Variants in SLC38A3 observed in about 807,000 individuals in gnomAD.
SLC38A3 encodes the protein solute carrier family 38 member 3.
SLC38A3 carries 17 observed loss-of-function variants against 59.5 expected under a neutral mutation model. The observed-to-expected ratio is 0.29, with a 90% CI of 0.20 to 0.43. The LOEUF (loss-of-function observed/expected upper bound fraction) is 0.43, where lower values mean the gene tolerates loss of function less well. Among genes scored for constraint, SLC38A3 ranks in the 20% least tolerant of loss-of-function variants. SLC38A3 has a pLI of 1.00. For missense variants in SLC38A3, 454 were observed against 653.9 expected (o/e 0.69, Z 3.33); for synonymous variants, 238 against 260.3 (o/e 0.91, Z 0.82).
chr3:50,214,564 G>C lies in SLC38A3; in HGVS notation c.183+81G>C, dbSNP rs1699788417. The C allele has an allele frequency of 6.8e-7, 1 of 1,468,222 alleles. No individual in the cohort carries two copies. Among genetic ancestry groups the C allele is most frequent in the Non-Finnish European group, 9.4e-7 (1 of 1,068,770 alleles). The allele number at this position is 1,468,222 out of a possible 1,614,324, so 90.9% of individuals were successfully genotyped here. A position where few individuals can be genotyped will look rare whatever the true frequency, so the allele number is the denominator to read the frequency against. ...ATGAGGTGGTCTCTGGCAGCAGTGG[G>C]AGGCTGAGGGACAGTCAGGGGAAGG... On this transcript the variant is annotated intron_variant, in intron 3 of 15. Coordinates refer to ENST00000614032, the MANE Select transcript of SLC38A3 (RefSeq NM_006841.6). This position sits in a 1 kb window ranked among gnomAD's most constrained non-coding sequence, Gnocchi z 6.0.
At chr3:50,219,170 AG>A (rs1332250663) in intron 14 of SLC38A3, among the ~76,000 whole-genome samples, 1 of 152,304 alleles carries the variant, frequency 6.6e-6, no homozygotes, top group African/African-American at 2.4e-5. Flanking sequence ...GGTGGATCCC[AG>A]GGATCAGAGG....
intron 1 of SLC38A3, among the ~76,000 whole-genome samples, chr3:50,209,134 C>T (rs928976249): frequency 5.3e-5 from 8 of 152,232 alleles, no homozygotes; most frequent in African/African-American, 1.9e-4. Flanking sequence ...CACGTGATGT[C>T]CTGTCCTTTG....
chr3:50,214,470 C>T lies in SLC38A3; in HGVS notation c.170C>T (p.Pro57Leu), dbSNP rs1575425409. ...SFLQKSPSKE[P>L]HFTDFEGKTS... ...CTACAGAAAAGTCCCAGCAAGGAGC[C>T]ACACTTCACTGACGTGAGCAGGGCA... Residue 57 changes from proline (P) to leucine (L), a missense_variant, in exon 3 of 16, where the codon CCA (proline) becomes CTA (leucine). Pro to Leu is a moderately conservative substitution (Grantham distance 98). Transcript: ENST00000614032. This position sits in a 1 kb window ranked among gnomAD's most constrained non-coding sequence, Gnocchi z 6.0. 6.4e-7 allele frequency: 1 copy of T among 1,568,446 alleles called. No individual in the cohort carries two copies. The highest frequency in any genetic ancestry group is 8.6e-7 in the Non-Finnish European group (1 of 1,156,824).
chr3:50,208,610 G>A (rs1374898704), intron 1 of SLC38A3, among the ~76,000 whole-genome samples: 1 of 152,130 alleles, frequency 6.6e-6, no homozygotes, highest in Non-Finnish European at 1.5e-5. Flanking sequence ...CCTCCATTTG[G>A]CTGTCTCTGA....
chr3:50,215,426 A>G lies in SLC38A3; in HGVS notation c.340A>G (p.Ile114Val), dbSNP rs1470775498. ...TGTCGCCTTGCTCTCCAGCTACTCC[A>G]TCCACCTGCTACTCAAGTCCTCAGG... ...TAVALLSSYSIHLLLKSSGVV... is the reference protein window; with the variant it reads ...TAVALLSSYSVHLLLKSSGVV... Residue 114 changes from isoleucine (I) to valine (V), a missense_variant, in exon 5 of 16, where the codon ATC becomes GTC. By Grantham distance (29) the Ile-to-Val change is conservative. Transcript: ENST00000614032. This position sits in a 1 kb window ranked among gnomAD's most constrained non-coding sequence, Gnocchi z 7.1. 1.9e-6 allele frequency: 3 copies of G among 1,613,688 alleles called. No individual in the cohort carries two copies. Among genetic ancestry groups the G allele is most frequent in the Non-Finnish European group, 1.7e-6 (2 of 1,179,862 alleles).
chr3:50,210,529 G>T (rs1699709624), intron 1 of SLC38A3, among the ~76,000 whole-genome samples: 1 of 152,200 alleles, frequency 6.6e-6, no homozygotes, highest in Non-Finnish European at 1.5e-5. Context: ...GGGAAGGAAA[G>T]CAAGGCTCAG....
chr3:50,210,231 C>T (rs909707566), intron 1 of SLC38A3, among the ~76,000 whole-genome samples: 1 of 152,136 alleles, frequency 6.6e-6, no homozygotes, highest in Non-Finnish European at 1.5e-5. Context: ...AGGAGGGGGG[C>T]ACCCTGTCTC....
rs1410568217 is a variant in SLC38A3, at chr3:50,214,371, C to G, written c.102-31C>G. On this transcript the variant is annotated intron_variant, in intron 2 of 15. Coordinates refer to ENST00000614032, the MANE Select transcript of SLC38A3 (RefSeq NM_006841.6). This position sits in a 1 kb window ranked among gnomAD's most constrained non-coding sequence, Gnocchi z 6.0. ...AGGGATACAGAGCAAAGGGCTGGAG[C>G]TGAGCCACCCACCCTGACCTGTGCC... 6.2e-7 allele frequency: 1 copy of G among 1,600,784 alleles called. No homozygotes were observed. The highest frequency in any genetic ancestry group is 1.7e-5 in the Admixed American group (1 of 57,922).
In SLC38A3 at chr3:50,215,577, C is replaced by G; in HGVS notation, c.407C>G (p.Ala136Gly). ...GCCTATGAGCAGCTGGGCTACCGTGCCTTTGGGACCCCAGGAAAGCTGGCA... is the reference window on the plus strand; with the variant it reads ...GCCTATGAGCAGCTGGGCTACCGTGGCTTTGGGACCCCAGGAAAGCTGGCA... ...IRAYEQLGYRAFGTPGKLAAA... is the reference protein window; with the variant it reads ...IRAYEQLGYRGFGTPGKLAAA... The change falls in exon 6 of 16, where the codon GCC becomes GGC. Residue 136 changes from alanine to glycine, a missense_variant. Ala to Gly is a moderately conservative substitution (Grantham distance 60, BLOSUM62 0). Coordinates refer to ENST00000614032, the MANE Select transcript of SLC38A3 (RefSeq NM_006841.6). This position sits in a 1 kb window ranked among gnomAD's most constrained non-coding sequence, Gnocchi z 7.1. The G allele has an allele frequency of 6.2e-7, 1 of 1,613,800 alleles. No homozygotes were observed. The highest frequency in any genetic ancestry group is 8.5e-7 in the Non-Finnish European group (1 of 1,179,864).
intron 1 of SLC38A3, among the ~76,000 whole-genome samples, chr3:50,209,870 C>T (rs1275831869): frequency 6.6e-6 from 1 of 152,114 alleles, no homozygotes; most frequent in African/African-American, 2.4e-5. Flanking sequence ...TATGCCCCCG[C>T]CTGCATGTCA....
intron 1 of SLC38A3, among the ~76,000 whole-genome samples, chr3:50,206,283 C>A (rs1575421922): frequency 1.3e-5 from 2 of 152,376 alleles, no homozygotes; most frequent in South Asian, 2.1e-4. Flanking sequence ...AAGGCTAAGT[C>A]AAAGGCTCTT....
At chr3:50,212,339 A>AG (rs1699743046) in intron 1 of SLC38A3, among the ~76,000 whole-genome samples, 1 of 152,148 alleles carries the variant, frequency 6.6e-6, no homozygotes, top group South Asian at 2.1e-4. Context: ...AGCTGAGTGC[A>AG]GGGGGGACTC....
chr3:50,210,989 C>G (rs750968772), intron 1 of SLC38A3, among the ~76,000 whole-genome samples: 2 of 152,176 alleles, frequency 1.3e-5, no homozygotes, highest in Non-Finnish European at 2.9e-5. Context: ...TTGACCAAGC[C>G]TCACGGGACC....
intron 1 of SLC38A3, chr3:50,207,312 T>C (rs991846011): frequency 6.6e-6 from 1 of 152,230 alleles, no homozygotes; most frequent in Non-Finnish European, 1.5e-5. Context: ...TCGTTTATTT[T>C]TTTTATTTTT....
chr3:50,205,967 G>A (rs558320752), intron 1 of SLC38A3, among the ~76,000 whole-genome samples: 1 of 152,362 alleles, frequency 6.6e-6, no homozygotes, highest in African/African-American at 2.4e-5. Context: ...CGGGCACAGC[G>A]GGCGCAGGGC....
rs778946609 is a variant in SLC38A3, at chr3:50,214,730, C to T, written c.261C>T (p.Leu87=). Residue 87 remains leucine (L), a synonymous_variant, in exon 4 of 16, where the codon CTC becomes CTT. Coordinates refer to ENST00000614032, the MANE Select transcript of SLC38A3 (RefSeq NM_006841.6). This position sits in a 1 kb window ranked among gnomAD's most constrained non-coding sequence, Gnocchi z 6.0. ...TCATGGGCAGCGGCATCCTGGGACT[C>T]GCCTATGCCATGGCCAATACGGGCA... is the stretch of plus-strand genomic sequence containing the variant. ...NAIMGSGILG[L]AYAMANTGII... is the part of the protein sequence containing the mutation. 26 of 1,613,172 alleles carry T rather than the reference C, an allele frequency of 1.6e-5. No individual in the cohort carries two copies. Among genetic ancestry groups the T allele is most frequent in the Middle Eastern group, 3.3e-4 (2 of 6,078 alleles).
chr3:50,207,316 T>G (rs927788511), intron 1 of SLC38A3: 1 of 152,238 alleles, frequency 6.6e-6, no homozygotes, highest in African/African-American at 2.4e-5. Context: ...TTATTTTTTT[T>G]ATTTTTTTCA....
chr3:50,214,225 T>G lies in SLC38A3; in HGVS notation c.26T>G (p.Met9Arg), dbSNP rs1163911241. The stretch of plus-strand genomic sequence containing the variant: ...ATGGAGGCGCCTTTGCAGACAGAGA[T>G]GGTGGAGCTGGTGCCCAATGGCAAA... Reference protein sequence around the residue: MEAPLQTEMVELVPNGKHS... With the variant: MEAPLQTERVELVPNGKHS... The change falls in exon 2 of 16, where the codon ATG (methionine) becomes AGG (arginine). Residue 9 changes from methionine to arginine, a missense_variant. Physicochemically the swap from Met to Arg is moderately conservative, Grantham distance 91 (BLOSUM62 -1). Transcript: ENST00000614032. The surrounding 1 kb of genome is among the most constrained non-coding windows in gnomAD (Gnocchi z 6.0). 6.2e-7 allele frequency: 1 copy of G among 1,613,616 alleles called. No individual in the cohort carries two copies.
intron 1 of SLC38A3, among the ~76,000 whole-genome samples, chr3:50,206,127 C>T (rs1438388526): frequency 2.0e-5 from 3 of 152,238 alleles, no homozygotes; most frequent in Non-Finnish European, 4.4e-5. Flanking sequence ...CCCGGTTGGC[C>T]CCTTCGATTG....
Sources: allele counts gnomAD v4.1 joint callset (sites outside exome capture counted in the v4.1 genomes callset), GRCh38; gene constraint gnomAD v4.1.1; non-coding constraint Gnocchi (gnomAD v3.1); transcripts MANE v1.5; gene names NCBI Gene and HGNC (gene_info 2026-07-23, HGNC 2026-07-21).